The following RABGAP1L variants were observed in gnomAD, a reference collection of about 807,000 sequenced individuals.
RABGAP1L encodes the protein RAB GTPase activating protein 1 like.
RABGAP1L carries 63 observed loss-of-function variants against 137.7 expected under a neutral mutation model. The observed-to-expected ratio is 0.46, with a 90% CI of 0.37 to 0.56. The LOEUF is 0.56. Ranked by LOEUF, RABGAP1L falls within the 20% of genes least tolerant of loss-of-function variation. The pLI, the probability that RABGAP1L is intolerant of heterozygous loss-of-function variation, is 0.00. For missense variants in RABGAP1L, 1,095 were observed against 1,244.0 expected (o/e 0.88, Z 1.80); for synonymous variants, 431 against 433.7 (o/e 0.99, Z 0.08).
chr1:174,442,117 A>G (rs1399552733), intron 13 of RABGAP1L, among the ~76,000 whole-genome samples: 2 of 152,064 alleles, frequency 1.3e-5, no homozygotes, highest in East Asian at 1.9e-4. Context: ...TGTAATGGCT[A>G]TACTTTTTCA....
rs148256088 is a variant in RABGAP1L, at chr1:174,731,656, G to A, written c.2170-20657G>A. Among the ~76,000 whole-genome samples, 68 of 152,172 alleles carry A rather than the reference G, an allele frequency of 4.5e-4. 1 individual carries two copies. The East Asian group carries it at 0.011, about 25-fold the overall frequency. ...CTGGCTTCCATCTTCACAGTCATTC[G>A]TAGACTCACCCTCTCTTTAACTTTG... On this transcript the variant is annotated intron_variant, in intron 17 of 25. Transcript: ENST00000681986.
intron 14 of RABGAP1L, among the ~76,000 whole-genome samples, chr1:174,675,326 C>A (rs943861018): frequency 7.9e-5 from 12 of 151,450 alleles, no homozygotes; most frequent in African/African-American, 2.9e-4. Flanking sequence ...GTTTTCCCAG[C>A]ACCATTTATT....
chr1:174,366,067 T>G (rs1385475804), intron 11 of RABGAP1L, among the ~76,000 whole-genome samples: 1 of 152,254 alleles, frequency 6.6e-6, no homozygotes, highest in Non-Finnish European at 1.5e-5. Flanking sequence ...ATCTATAAAT[T>G]ATTTAATTTA....
rs1553290951 is a variant in RABGAP1L, at chr1:174,946,917, A to AAATAT, written c.2341-10539_2341-10538insATATA. ...CTCCATCTCAAAAAAAAAAAAAAAAAATATATATATATATATATATATATG... is the reference window on the plus strand; with the variant it reads ...CTCCATCTCAAAAAAAAAAAAAAAAAAATATATATATATATATATATATATATATG... On this transcript the variant is annotated intron_variant, in intron 19 of 25. Coordinates refer to ENST00000681986, the MANE Select transcript of RABGAP1L (RefSeq NM_001366446.1). Among the ~76,000 whole-genome samples, 10 of 59,820 alleles carry AAATAT rather than the reference A, an allele frequency of 1.7e-4. 1 individual carries two copies. The highest frequency in any genetic ancestry group is 7.3e-4 in the African/African-American group (8 of 10,942). 39.2% of individuals were successfully genotyped at this position (59,820 alleles called of 152,430 possible).
chr1:174,717,172 G>A (rs1023501976), intron 17 of RABGAP1L, among the ~76,000 whole-genome samples: 2 of 152,276 alleles, frequency 1.3e-5, no homozygotes, highest in South Asian at 4.1e-4. Context: ...CATTTTGGGA[G>A]GCTGAGGTGG....
At chr1:174,369,703 T>C in intron 11 of RABGAP1L, among the ~76,000 whole-genome samples, 1 of 152,228 alleles carries the variant, frequency 6.6e-6, no homozygotes, top group East Asian at 1.9e-4. Context: ...AAATATCTGT[T>C]ATTTTCATGA....
intron 7 of RABGAP1L, among the ~76,000 whole-genome samples, chr1:174,263,397 A>G (rs995746625): frequency 2.6e-5 from 4 of 152,236 alleles, no homozygotes; most frequent in African/African-American, 9.6e-5. Flanking sequence ...TAGTTACTCT[A>G]CTATGACAGT....
chr1:174,704,484 A>G (rs1679902428), intron 17 of RABGAP1L, among the ~76,000 whole-genome samples: 2 of 152,222 alleles, frequency 1.3e-5, no homozygotes, highest in Non-Finnish European at 1.5e-5. Flanking sequence ...CTTGCCTAAT[A>G]CCTGAAGGTC....
intron 13 of RABGAP1L, among the ~76,000 whole-genome samples, chr1:174,500,548 G>A (rs1472854738): frequency 6.6e-6 from 1 of 152,144 alleles, no homozygotes; most frequent in Non-Finnish European, 1.5e-5. Flanking sequence ...CTACCCTGCA[G>A]ATATTCATAG....
At chr1:174,487,678 T>G (rs1659803112) in intron 13 of RABGAP1L, among the ~76,000 whole-genome samples, 1 of 152,158 alleles carries the variant, frequency 6.6e-6, no homozygotes. Context: ...TTTGGTTGTT[T>G]CGTGGTCTTC....
At chr1:174,741,040 G>GT (rs1234675421) in intron 17 of RABGAP1L, among the ~76,000 whole-genome samples, 34 of 114,864 alleles carry the variant, frequency 3.0e-4, no homozygotes, top group African/African-American at 1.2e-3. Flanking sequence ...TGATTTTTTT[G>GT]TTTTGTTTTT....
chr1:174,248,231 A>C (rs1488803794), intron 5 of RABGAP1L, among the ~76,000 whole-genome samples: 2 of 152,182 alleles, frequency 1.3e-5, no homozygotes, highest in Non-Finnish European at 2.9e-5. Flanking sequence ...TCCATCCCCA[A>C]GCACATTCAA....
At chr1:174,425,219 T>C (rs1050927888) in intron 13 of RABGAP1L, among the ~76,000 whole-genome samples, 2 of 152,058 alleles carry the variant, frequency 1.3e-5, no homozygotes, top group African/African-American at 4.8e-5. Context: ...AACTATTATG[T>C]GTACAGTCTT....
chr1:174,447,160 C>T (rs889151881), intron 13 of RABGAP1L, among the ~76,000 whole-genome samples: 5 of 152,094 alleles, frequency 3.3e-5, no homozygotes, highest in African/African-American at 7.2e-5. Context: ...GTATAAGTTA[C>T]GTTGCTGTTA....
At chr1:174,541,852 ATC>A (rs1379513905) in intron 13 of RABGAP1L, among the ~76,000 whole-genome samples, 2 of 151,994 alleles carry the variant, frequency 1.3e-5, no homozygotes, top group Non-Finnish European at 1.5e-5. Context: ...TGAGATAATC[ATC>A]TGTTTTTTGT....
intron 13 of RABGAP1L, among the ~76,000 whole-genome samples, chr1:174,502,670 A>G (rs148307714): frequency 0.034 from 5,014 of 148,328 alleles, 119 homozygotes; most frequent in Middle Eastern, 0.092. Context: ...GTGTGTGTGT[A>G]TATATACATA....
At chr1:174,740,034 CTG>C (rs1683256968) in intron 17 of RABGAP1L, among the ~76,000 whole-genome samples, 1 of 152,092 alleles carries the variant, frequency 6.6e-6, no homozygotes, top group Non-Finnish European at 1.5e-5. Flanking sequence ...AAAGTTCACT[CTG>C]TATTTTTATG....
At chr1:174,511,986 C>G (rs12094143) in intron 13 of RABGAP1L, among the ~76,000 whole-genome samples, 5,286 of 151,962 alleles carry the variant, frequency 0.035, 124 homozygotes, top group Middle Eastern at 0.088. Flanking sequence ...TTTTCCAATC[C>G]TTTATTTATT....
intron 13 of RABGAP1L, among the ~76,000 whole-genome samples, chr1:174,584,461 C>G (rs1171110434): frequency 6.6e-6 from 1 of 152,180 alleles, no homozygotes; most frequent in Non-Finnish European, 1.5e-5. Flanking sequence ...GGCACAGTGT[C>G]TCATGCCTGC....
Sources: gnomAD v4.1 joint callset for allele counts (sites outside exome capture counted in the v4.1 genomes callset) on GRCh38, gnomAD v4.1.1 for gene constraint, MANE v1.5 for transcripts, NCBI Gene and HGNC (gene_info 2026-07-23, HGNC 2026-07-21) for gene names.